KLHL25: variants seen among roughly 807,000 people sequenced by gnomAD.
KLHL25 encodes kelch-like protein 25.
Under a neutral mutation model 30.0 loss-of-function variants are expected in KLHL25, and 41 were observed. The observed-to-expected ratio is 1.37, with a 90% CI of 1.07 to 1.78. The LOEUF (loss-of-function observed/expected upper bound fraction) is 1.78. Among genes scored for constraint, KLHL25 ranks in the 40% most tolerant of loss-of-function variants. The probability of loss-of-function intolerance (pLI) is 0.00; values close to 1 mark genes in which losing one functional copy is unlikely to be tolerated. For synonymous variants in KLHL25, 399 were observed against 355.3 expected (o/e 1.12, Z -1.38); for missense variants, 971 against 824.5 (o/e 1.18, Z -2.18).
At chr15:85,790,311 C>T (rs1181403905) in intron 1 of KLHL25, among the ~76,000 whole-genome samples, 1 of 152,184 alleles carries the variant, frequency 6.6e-6, no homozygotes, top group Non-Finnish European at 1.5e-5. Context: ...TGGTCTCAAA[C>T]TCCCGACCTC....
At chr15:85,775,970 G>A (rs1253632887) in intron 1 of KLHL25, among the ~76,000 whole-genome samples, 4 of 150,796 alleles carry the variant, frequency 2.7e-5, no homozygotes, top group Admixed American at 2.0e-4. Context: ...TGTGGAGTTC[G>A]AGACCAGCCT....
chr15:85,793,190 ATCGGGC>A (rs1192672491), intron 1 of KLHL25, among the ~76,000 whole-genome samples: 2 of 152,092 alleles, frequency 1.3e-5, no homozygotes, highest in Non-Finnish European at 2.9e-5. Context: ...ATTAAGGGGC[ATCGGGC>A]TGCAGAACCT....
chr15:85,768,852 A>ATC lies in KLHL25; in HGVS notation c.957_958dup (p.Ile320ArgfsTer26). 1.2e-6 allele frequency: 2 copies of ATC among 1,613,280 alleles called. No individual in the cohort carries two copies. The highest frequency in any genetic ancestry group is 1.7e-6 in the Non-Finnish European group (2 of 1,180,030). On this transcript the variant is annotated frameshift_variant, in exon 2 of 3. Transcript: ENST00000337975. LOFTEE classifies it high-confidence loss of function. ...GCTGGGCAGGTCGGCCTTGGGGATG[A>ATC]TCTCCTTGGCCTTGTGGTCCACCTG...
rs2614657 is a variant in KLHL25, at chr15:85,769,817, T to C, written c.-7A>G. Reference sequence around the variant, plus strand: ...CATGGACACTGACCGACATGGTGCGTCAGCTTGTGGGGGAACAAGCCCACA... The same window carrying C: ...CATGGACACTGACCGACATGGTGCGCCAGCTTGTGGGGGAACAAGCCCACA... On this transcript the variant is annotated 5_prime_UTR_variant, in exon 2 of 3. Transcript: ENST00000337975. 0.83 allele frequency: 1,322,065 copies of C among 1,598,708 alleles called. 547,583 individuals are homozygous for C. Among genetic ancestry groups the C allele is most frequent in the South Asian group, 0.88 (79,721 of 90,884 alleles).
At chr15:85,792,468 G>T (rs1304017833) in intron 1 of KLHL25, among the ~76,000 whole-genome samples, 1 of 152,158 alleles carries the variant, frequency 6.6e-6, no homozygotes. Context: ...TACACTGCCT[G>T]GTGGTACAGA....
chr15:85,784,346 T>C (rs971115016), intron 1 of KLHL25, among the ~76,000 whole-genome samples: 1 of 152,032 alleles, frequency 6.6e-6, no homozygotes, highest in Non-Finnish European at 1.5e-5. Flanking sequence ...CTGGCCAACA[T>C]GATGAAACCC....
chr15:85,773,030 C>T (rs8034997), intron 1 of KLHL25, among the ~76,000 whole-genome samples: 215 of 152,360 alleles, frequency 1.4e-3, no homozygotes, highest in African/African-American at 4.9e-3. Flanking sequence ...ACTCACTCAC[C>T]GACTCAGCCT....
At chr15:85,780,789 G>A (rs2089737990) in intron 1 of KLHL25, among the ~76,000 whole-genome samples, 1 of 152,154 alleles carries the variant, frequency 6.6e-6, no homozygotes, top group South Asian at 2.1e-4. Context: ...AGCATAGTTG[G>A]CACAATCTCT....
chr15:85,790,930 G>T (rs1404983751), intron 1 of KLHL25, among the ~76,000 whole-genome samples: 1 of 151,680 alleles, frequency 6.6e-6, no homozygotes, highest in Non-Finnish European at 1.5e-5. Flanking sequence ...GGCCAGGTGC[G>T]GTGGCTCACA....
chr15:85,782,734 G>A lies in KLHL25; in HGVS notation c.-11+12032C>T, dbSNP rs114484295. 3.3e-3 allele frequency among the ~76,000 whole-genome samples: 496 copies of A among 152,308 alleles called. 1 individual carries two copies. Among genetic ancestry groups the A allele is most frequent in the African/African-American group, 0.011 (457 of 41,572 alleles). On this transcript the variant is annotated intron_variant, in intron 1 of 2. Transcript: ENST00000337975. Reference sequence around the variant, plus strand: ...CGACACACAGGGCATATGGCATGCAGTAAATAACATAATTTTGTCTTGTCT... The same window carrying A: ...CGACACACAGGGCATATGGCATGCAATAAATAACATAATTTTGTCTTGTCT...
At chr15:85,788,182 G>A (rs915735094) in intron 1 of KLHL25, among the ~76,000 whole-genome samples, 1 of 152,108 alleles carries the variant, frequency 6.6e-6, no homozygotes, top group Non-Finnish European at 1.5e-5. Flanking sequence ...CAGAATGTCA[G>A]GGTCTGGCAC....
intron 2 of KLHL25, chr15:85,761,684 T>A (rs2089584031): frequency 6.6e-6 from 1 of 152,218 alleles, no homozygotes; most frequent in South Asian, 2.1e-4. Flanking sequence ...CCCTCTCACA[T>A]ACCACTCCGA....
At chr15:85,786,861 A>C (rs996435367) in intron 1 of KLHL25, among the ~76,000 whole-genome samples, 8 of 152,228 alleles carry the variant, frequency 5.3e-5, no homozygotes, top group African/African-American at 1.9e-4. Flanking sequence ...GCTTTTCAGC[A>C]TAAAATGAAC....
rs1039653029 is a variant in KLHL25 at position 85,789,716 on chromosome 15, G to A, written c.-11+5050C>T. 1.3e-5 allele frequency among the ~76,000 whole-genome samples: 2 copies of A among 152,158 alleles called. No individual in the cohort carries two copies. The highest frequency in any genetic ancestry group is 6.5e-5 in the Admixed American group (1 of 15,280). ...AACTGCTGCCCAGCTCCCTGCCCACGACCAGTCAGAGCGATGGCCCTGAGA... is the reference window on the plus strand; with the variant it reads ...AACTGCTGCCCAGCTCCCTGCCCACAACCAGTCAGAGCGATGGCCCTGAGA... On this transcript the variant is annotated intron_variant, in intron 1 of 2. Transcript: ENST00000337975. This position sits in a 1 kb window ranked among gnomAD's most constrained non-coding sequence, Gnocchi z 4.1.
intron 1 of KLHL25, chr15:85,770,690 C>T (rs2089665382): frequency 2.5e-6 from 1 of 394,054 alleles, no homozygotes; most frequent in African/African-American, 2.1e-5. Flanking sequence ...CCAGATTTGC[C>T]TCAGCAAAGC....
rs781681416 is a variant in KLHL25, at chr15:85,769,320, A to C, written c.491T>G (p.Leu164Arg). The C allele has an allele frequency of 1.9e-5, 30 of 1,613,976 alleles. No individual in the cohort carries two copies. The highest frequency in any genetic ancestry group is 2.5e-5 in the Non-Finnish European group (30 of 1,180,042). ...GCACATGCGCCAGGAGAACTCATAC[A>C]GCCGGCGGCACTGGTGGGCGTCCGA... is the stretch of plus-strand genomic sequence containing the variant. The part of the protein sequence containing the change: ...LLSDAHQCRR[L>R]YEFSWRMCLV... The change falls in exon 2 of 3, where the codon CTG (leucine) becomes CGG (arginine). Residue 164 changes from leucine (L) to arginine (R), a missense_variant. Physicochemically the swap from Leu to Arg is moderately radical, Grantham distance 102 (BLOSUM62 -2). Coordinates refer to ENST00000337975, the MANE Select transcript of KLHL25 (RefSeq NM_022480.4).
At chr15:85,770,904 A>G (rs552876221) in intron 1 of KLHL25, 28 of 296,358 alleles carry the variant, frequency 9.4e-5, no homozygotes, top group African/African-American at 5.8e-4. Flanking sequence ...ATTAATGTCC[A>G]GTGAATGGCA....
At chr15:85,761,656 C>T (rs1394275263) in intron 2 of KLHL25, 1 of 151,844 alleles carries the variant, frequency 6.6e-6, no homozygotes, top group African/African-American at 2.4e-5. Flanking sequence ...TGAGCCAATT[C>T]CCCTAATAGA....
intron 1 of KLHL25, among the ~76,000 whole-genome samples, chr15:85,785,065 G>C (rs965882692): frequency 1.3e-5 from 2 of 151,630 alleles, no homozygotes; most frequent in African/African-American, 4.8e-5. Context: ...TGTGATGCTA[G>C]AGAGCAGAGA....
Sources: gnomAD v4.1 joint callset for allele counts (sites outside exome capture counted in the v4.1 genomes callset) on GRCh38, gnomAD v4.1.1 for gene constraint, Gnocchi (gnomAD v3.1) non-coding constraint, MANE v1.5 for transcripts, NCBI Gene and HGNC (gene_info 2026-07-23, HGNC 2026-07-21) for gene names.